ST6GALNAC3: variants seen among roughly 807,000 people sequenced by gnomAD.
The protein encoded by ST6GALNAC3 is ST6 N-acetylgalactosaminide alpha-2,6-sialyltransferase 3.
ST6GALNAC3 carries 25 observed loss-of-function variants against 32.7 expected under a neutral mutation model. The observed-to-expected ratio is 0.76, with a 90% confidence interval of 0.56 to 1.07. ST6GALNAC3 has a LOEUF of 1.07. ST6GALNAC3 is among the 50% of genes least tolerant of loss of function. ST6GALNAC3 has a pLI of 0.00. For synonymous variants in ST6GALNAC3, 129 were observed against 133.1 expected (o/e 0.97, Z 0.21); for missense variants, 355 against 382.4 (o/e 0.93, Z 0.60).
In ST6GALNAC3 at chr1:76,634,450, T is replaced by C. The variant is rs953415493; in HGVS notation, c.*5644T>C. ...CTGAGTTCCCATGATTTTTTTTCTGTAGTTTCTCATTCATTTTAAAACCCA... is the reference window on the plus strand; with the variant it reads ...CTGAGTTCCCATGATTTTTTTTCTGCAGTTTCTCATTCATTTTAAAACCCA... On this transcript the variant is annotated 3_prime_UTR_variant, in exon 5 of 5. Coordinates refer to ENST00000328299, the MANE Select transcript of ST6GALNAC3 (RefSeq NM_152996.4). 2 of 152,200 alleles carry C rather than the reference T, an allele frequency of 1.3e-5. No individual in the cohort carries two copies. The highest frequency in any genetic ancestry group is 4.8e-5 in the African/African-American group (2 of 41,430). The allele number at this position is 152,200 out of a possible 1,614,324, so 9.4% of individuals were successfully genotyped here.
At chr1:76,307,767 C>G in intron 1 of ST6GALNAC3, 1 of 215,402 alleles carries the variant, frequency 4.6e-6, no homozygotes, top group Non-Finnish European at 1.0e-5. Flanking sequence ...AAGACTACTT[C>G]TACAGTAGAA....
intron 3 of ST6GALNAC3, among the ~76,000 whole-genome samples, chr1:76,419,320 A>G (rs377687181): frequency 7.2e-5 from 11 of 152,250 alleles, no homozygotes; most frequent in African/African-American, 2.4e-4. Context: ...CCCAGTAGAC[A>G]TGTATGCTCA....
intron 1 of ST6GALNAC3, among the ~76,000 whole-genome samples, chr1:76,112,397 T>G (rs1224285568): frequency 2.7e-4 from 30 of 112,954 alleles, no homozygotes; most frequent in East Asian, 6.1e-4. Context: ...CTTCCCGGAC[T>G]GGGCGGCTGG....
rs541352656 is a variant in ST6GALNAC3 at position 76,330,147 on chromosome 1, G to C, written c.213+16148G>C. Among the ~76,000 whole-genome samples, 143 of 151,156 alleles carry C rather than the reference G, an allele frequency of 9.5e-4. 6 individuals are homozygous for C. In the South Asian group the frequency reaches 0.029, roughly 31 times the overall value. ...GAATATTAAACAAATAAACACAGGA[G>C]GGTTAAGTAATTTTTTTTTTCTTGA... is the stretch of plus-strand genomic sequence containing the variant. On this transcript the variant is annotated intron_variant, in intron 2 of 4. Transcript: ENST00000328299.
chr1:76,396,087 G>A (rs1652934140), intron 2 of ST6GALNAC3, among the ~76,000 whole-genome samples: 2 of 152,036 alleles, frequency 1.3e-5, no homozygotes, highest in African/African-American at 4.8e-5. Flanking sequence ...CCATAACTAT[G>A]CACAAATATT....
chr1:76,323,802 T>C (rs942675664), intron 2 of ST6GALNAC3, among the ~76,000 whole-genome samples: 2 of 152,120 alleles, frequency 1.3e-5, no homozygotes, highest in African/African-American at 2.4e-5. Context: ...AATTTTAGAA[T>C]TTTTTTAAAA....
intron 3 of ST6GALNAC3, among the ~76,000 whole-genome samples, chr1:76,502,897 G>A (rs1309555673): frequency 6.6e-6 from 1 of 152,150 alleles, no homozygotes; most frequent in African/African-American, 2.4e-5. Flanking sequence ...GTGAGAAATA[G>A]AGTGAATGAA....
At chr1:76,471,496 A>C (rs1659027841) in intron 3 of ST6GALNAC3, among the ~76,000 whole-genome samples, 1 of 152,114 alleles carries the variant, frequency 6.6e-6, no homozygotes, top group South Asian at 2.1e-4. Flanking sequence ...TCTTAAAGGC[A>C]ATGAGTTACC....
At chr1:76,209,778 G>A (rs1163603107) in intron 1 of ST6GALNAC3, among the ~76,000 whole-genome samples, 2 of 152,180 alleles carry the variant, frequency 1.3e-5, no homozygotes, top group Non-Finnish European at 2.9e-5. Flanking sequence ...CTCAGTAGGG[G>A]ACTTGGAGCT....
At chr1:76,305,526 A>G (rs1660994890) in intron 1 of ST6GALNAC3, among the ~76,000 whole-genome samples, 1 of 152,044 alleles carries the variant, frequency 6.6e-6, no homozygotes, top group African/African-American at 2.4e-5. Context: ...TGATTTTGGA[A>G]AGCTCAGTCT....
At chr1:76,390,944 G>A (rs78596336) in intron 2 of ST6GALNAC3, among the ~76,000 whole-genome samples, 45 of 97,798 alleles carry the variant, frequency 4.6e-4, no homozygotes, top group Middle Eastern at 5.4e-3. Context: ...ATATATATAT[G>A]TATTTTTTTT....
chr1:76,421,869 A>G (rs543253327), intron 3 of ST6GALNAC3, among the ~76,000 whole-genome samples: 1 of 151,828 alleles, frequency 6.6e-6, no homozygotes, highest in Non-Finnish European at 1.5e-5. Flanking sequence ...ATAGTCCTCC[A>G]TTTTCCTTAG....
At chr1:76,595,197 G>A (rs907244592) in intron 3 of ST6GALNAC3, among the ~76,000 whole-genome samples, 4 of 152,088 alleles carry the variant, frequency 2.6e-5, no homozygotes, top group Admixed American at 6.6e-5. Flanking sequence ...ACATAATGCC[G>A]AAAGCCTGAA....
intron 1 of ST6GALNAC3, among the ~76,000 whole-genome samples, chr1:76,091,763 A>G (rs1214997194): frequency 6.6e-6 from 1 of 152,210 alleles, no homozygotes; most frequent in East Asian, 1.9e-4. Flanking sequence ...CCTAAGAGCA[A>G]TTGGCTATAC....
intron 1 of ST6GALNAC3, among the ~76,000 whole-genome samples, chr1:76,173,353 TA>T (rs1298032113): frequency 6.6e-6 from 1 of 152,164 alleles, no homozygotes; most frequent in Non-Finnish European, 1.5e-5. Flanking sequence ...ATTAAATACT[TA>T]AATGTAAAAC....
chr1:76,112,082 T>G (rs904215663), intron 1 of ST6GALNAC3, among the ~76,000 whole-genome samples: 1 of 134,228 alleles, frequency 7.5e-6, no homozygotes, highest in Non-Finnish European at 1.6e-5. Flanking sequence ...CCCCCCCACC[T>G]CCCTCCCGGA....
At chr1:76,301,781 G>T (rs1364719062) in intron 1 of ST6GALNAC3, among the ~76,000 whole-genome samples, 1 of 151,910 alleles carries the variant, frequency 6.6e-6, no homozygotes, top group Admixed American at 6.6e-5. Flanking sequence ...TGTATGAGAA[G>T]TGGGTGGGAT....
chr1:76,147,753 C>G (rs1002821836), intron 1 of ST6GALNAC3, among the ~76,000 whole-genome samples: 4 of 152,086 alleles, frequency 2.6e-5, no homozygotes, highest in Non-Finnish European at 4.4e-5. Context: ...AATGAGGGAG[C>G]CTTCTCAGTT....
At chr1:76,184,930 T>A (rs558667111) in intron 1 of ST6GALNAC3, among the ~76,000 whole-genome samples, 15 of 152,342 alleles carry the variant, frequency 9.8e-5, no homozygotes, top group African/African-American at 2.9e-4. Context: ...CTGTCTCTGA[T>A]GAGAAATAAT....
Sources: allele counts gnomAD v4.1 joint callset (sites outside exome capture counted in the v4.1 genomes callset), GRCh38; gene constraint gnomAD v4.1.1; transcripts MANE v1.5; gene names NCBI Gene and HGNC (gene_info 2026-07-23, HGNC 2026-07-21).